Variants in PRKCB observed in about 807,000 individuals in gnomAD.
The protein encoded by PRKCB is protein kinase C beta, also known as protein kinase C beta type.
A neutral mutation model predicts 81.5 loss-of-function variants in PRKCB; 13 were observed. The observed-to-expected ratio is 0.16, with a 90% CI of 0.10 to 0.25. PRKCB has a LOEUF of 0.25. Among genes scored for constraint, PRKCB ranks in the 10% least tolerant of loss-of-function variants. The pLI is 1.00. For missense variants in PRKCB, 509 were observed against 875.7 expected (o/e 0.58, Z 5.29); for synonymous variants, 335 against 321.4 (o/e 1.04, Z -0.45).
chr16:23,857,171 G>T (rs1269819249), intron 2 of PRKCB, among the ~76,000 whole-genome samples: 1 of 152,210 alleles, frequency 6.6e-6, no homozygotes, highest in Non-Finnish European at 1.5e-5. Flanking sequence ...TGGTATAAGA[G>T]GTTTTTAGAA....
At chr16:23,983,936 T>C (rs1964770181) in intron 2 of PRKCB, among the ~76,000 whole-genome samples, 1 of 152,132 alleles carries the variant, frequency 6.6e-6, no homozygotes, top group African/African-American at 2.4e-5. Context: ...GGAAGAAAGG[T>C]TGTAGAATAA....
intron 2 of PRKCB, among the ~76,000 whole-genome samples, chr16:23,923,795 A>C (rs1297239637): frequency 6.6e-6 from 1 of 151,980 alleles, no homozygotes; most frequent in South Asian, 2.1e-4. Flanking sequence ...ACCATAATCA[A>C]CCTGTTTTGA....
At chr16:23,956,924 G>C (rs1396023262) in intron 2 of PRKCB, among the ~76,000 whole-genome samples, 1 of 129,832 alleles carries the variant, frequency 7.7e-6, no homozygotes, top group Non-Finnish European at 1.6e-5. Flanking sequence ...AGGATGCTGA[G>C]TTTGATTCCT....
At chr16:24,127,949 T>A (rs1270073322) in intron 9 of PRKCB, among the ~76,000 whole-genome samples, 1 of 152,170 alleles carries the variant, frequency 6.6e-6, no homozygotes, top group East Asian at 1.9e-4. Flanking sequence ...TAGATCAATC[T>A]CCATAAACAG....
intron 2 of PRKCB, among the ~76,000 whole-genome samples, chr16:23,939,787 G>C (rs1964114397): frequency 6.6e-6 from 1 of 152,074 alleles, no homozygotes; most frequent in Non-Finnish European, 1.5e-5. Context: ...TGGAATCTAG[G>C]GTCAGGGAAA....
At chr16:23,927,897 A>C (rs1202343825) in intron 2 of PRKCB, among the ~76,000 whole-genome samples, 1 of 151,818 alleles carries the variant, frequency 6.6e-6, no homozygotes, top group Non-Finnish European at 1.5e-5. Context: ...TGGCGTGTGG[A>C]TATCTTGGGG....
intron 9 of PRKCB, among the ~76,000 whole-genome samples, chr16:24,136,269 C>T (rs557988514): frequency 6.6e-6 from 1 of 152,170 alleles, no homozygotes; most frequent in East Asian, 1.9e-4. Context: ...GTTCATTTTT[C>T]TCAAGAAAAT....
At chr16:24,069,979 G>T (rs948631802) in intron 5 of PRKCB, among the ~76,000 whole-genome samples, 3 of 152,042 alleles carry the variant, frequency 2.0e-5, no homozygotes, top group African/African-American at 4.8e-5. Flanking sequence ...GGGCTATGGC[G>T]TCACCACTGT....
At chr16:23,892,059 C>A (rs141685665) in intron 2 of PRKCB, among the ~76,000 whole-genome samples, 1 of 152,156 alleles carries the variant, frequency 6.6e-6, no homozygotes, top group Non-Finnish European at 1.5e-5. Context: ...CGGCTGGATC[C>A]CACATCTCTG....
intron 2 of PRKCB, among the ~76,000 whole-genome samples, chr16:23,855,276 G>A (rs1341306491): frequency 1.3e-5 from 2 of 152,156 alleles, no homozygotes; most frequent in African/African-American, 4.8e-5. Flanking sequence ...TACTGGTCAA[G>A]AGCATGGGTT....
At chr16:23,928,022 G>A (rs191473949) in intron 2 of PRKCB, among the ~76,000 whole-genome samples, 4 of 152,174 alleles carry the variant, frequency 2.6e-5, no homozygotes, top group Middle Eastern at 3.4e-3. Flanking sequence ...AGATTCAGGC[G>A]AGAAGAGAGG....
chr16:24,218,049 AC>A lies in PRKCB; in HGVS notation c.*3235del. 1 of 985,248 alleles carries A rather than the reference AC, an allele frequency of 1.0e-6. No homozygotes were observed. Among genetic ancestry groups the A allele is most frequent in the Non-Finnish European group, 1.2e-6 (1 of 829,846 alleles). 61.0% of individuals were successfully genotyped at this position (985,248 alleles called of 1,614,324 possible). ...TTCATTCCACAAATAATTACAAACA[AC>A]CTACTGTGTGCCAGGCACTATTCTT... On this transcript the variant is annotated 3_prime_UTR_variant, in exon 17 of 17. Transcript: ENST00000643927.
intron 3 of PRKCB, among the ~76,000 whole-genome samples, chr16:23,993,964 C>T (rs1479121018): frequency 1.3e-5 from 2 of 152,186 alleles, no homozygotes; most frequent in African/African-American, 4.8e-5. Context: ...GCCCCTCAGT[C>T]CATTCCCAGA....
intron 10 of PRKCB, among the ~76,000 whole-genome samples, chr16:24,163,927 T>C (rs1330131684): frequency 6.6e-6 from 1 of 152,210 alleles, no homozygotes; most frequent in Non-Finnish European, 1.5e-5. Flanking sequence ...ACCAGGGCTC[T>C]TAACCACAGC....
chr16:23,920,837 G>A (rs984038457), intron 2 of PRKCB, among the ~76,000 whole-genome samples: 1 of 152,208 alleles, frequency 6.6e-6, no homozygotes, highest in East Asian at 1.9e-4. Flanking sequence ...TACATACAGA[G>A]TGTGTTAGTC....
chr16:24,018,150 C>T (rs1379334661), intron 3 of PRKCB, among the ~76,000 whole-genome samples: 6 of 152,036 alleles, frequency 3.9e-5, no homozygotes, highest in Non-Finnish European at 7.4e-5. Flanking sequence ...CCGCCCACCT[C>T]GGCCTCCCAA....
At chr16:24,166,271 G>GT (rs1011010290) in intron 10 of PRKCB, among the ~76,000 whole-genome samples, 4 of 152,032 alleles carry the variant, frequency 2.6e-5, no homozygotes, top group Non-Finnish European at 5.9e-5. Context: ...TTGTGTGTAA[G>GT]TTTTTTTAAC....
chr16:24,181,256 T>C (rs1302885214), intron 13 of PRKCB, among the ~76,000 whole-genome samples: 4 of 152,096 alleles, frequency 2.6e-5, no homozygotes, highest in South Asian at 2.1e-4. Context: ...CATTGAAATG[T>C]TTGTTGAGAG....
intron 16 of PRKCB, 44 bp from the exon 17 acceptor site, chr16:24,214,614 T>G (rs747775794): frequency 6.4e-7 from 1 of 1,554,484 alleles, no homozygotes; most frequent in Non-Finnish European, 8.8e-7. Flanking sequence ...TTGTTTTTGT[T>G]TTTTTTCCCA....
Sources: gnomAD v4.1 joint callset for allele counts (sites outside exome capture counted in the v4.1 genomes callset) on GRCh38, gnomAD v4.1.1 for gene constraint, MANE v1.5 for transcripts, NCBI Gene and HGNC (gene_info 2026-07-23, HGNC 2026-07-21) for gene names.